CFAP299: variants seen among roughly 807,000 people sequenced by gnomAD.
CFAP299 encodes cilia- and flagella-associated protein 299.
A neutral mutation model predicts 27.0 loss-of-function variants in CFAP299; 21 were observed. The ratio of observed to expected loss-of-function variants is 0.78; its 90% CI spans 0.55 to 1.12. The LOEUF is 1.12. CFAP299 is among the 50% of genes most tolerant of loss of function. The probability of loss-of-function intolerance (pLI) is 0.00; values close to 1 mark genes in which losing one functional copy is unlikely to be tolerated. For missense variants in CFAP299, 310 were observed against 276.6 expected, an observed-to-expected ratio of 1.12 and a Z score of -0.86; for synonymous variants, 104 against 98.1, an observed-to-expected ratio of 1.06 and a Z score of -0.36.
At chr4:80,846,318 A>G (rs1731182296) in intron 3 of CFAP299, among the ~76,000 whole-genome samples, 1 of 152,174 alleles carries the variant, frequency 6.6e-6, no homozygotes. Context: ...CCATGTTTTC[A>G]GGTGATAAAT....
intron 3 of CFAP299, among the ~76,000 whole-genome samples, chr4:80,646,659 T>A (rs963670912): frequency 6.6e-6 from 1 of 152,176 alleles, no homozygotes; most frequent in African/African-American, 2.4e-5. Flanking sequence ...ACAATGATTC[T>A]TATTGACAGA....
chr4:80,962,759 TATC>T (rs1444534861), intron 5 of CFAP299, among the ~76,000 whole-genome samples: 1 of 151,918 alleles, frequency 6.6e-6, no homozygotes, highest in Non-Finnish European at 1.5e-5. Flanking sequence ...GAGCAAATAA[TATC>T]ATTCTTTTCT....
intron 3 of CFAP299, among the ~76,000 whole-genome samples, chr4:80,860,057 G>A (rs187097721): frequency 6.6e-6 from 1 of 152,222 alleles, no homozygotes; most frequent in East Asian, 1.9e-4. Context: ...CCAATCAAAC[G>A]TAGATTTGGT....
chr4:80,913,716 A>G (rs1041724082), intron 4 of CFAP299, among the ~76,000 whole-genome samples: 1 of 152,206 alleles, frequency 6.6e-6, no homozygotes, highest in Non-Finnish European at 1.5e-5. Flanking sequence ...TAATCTACAT[A>G]CAATGAAATT....
intron 3 of CFAP299, among the ~76,000 whole-genome samples, chr4:80,850,347 A>C (rs957280881): frequency 2.0e-5 from 3 of 152,048 alleles, no homozygotes; most frequent in Non-Finnish European, 1.5e-5. Flanking sequence ...AACATTAAGA[A>C]ATATCAGTAT....
At chr4:80,602,293 C>G (rs1488776656) in intron 3 of CFAP299, among the ~76,000 whole-genome samples, 1 of 152,084 alleles carries the variant, frequency 6.6e-6, no homozygotes, top group Non-Finnish European at 1.5e-5. Context: ...TAGATATGAG[C>G]TTTTTAATGC....
At chr4:80,359,212 T>A (rs542131946) in intron 1 of CFAP299, among the ~76,000 whole-genome samples, 1 of 152,312 alleles carries the variant, frequency 6.6e-6, no homozygotes, top group Non-Finnish European at 1.5e-5. Context: ...AGATTTACCT[T>A]TATAGGTGAT....
intron 2 of CFAP299, among the ~76,000 whole-genome samples, chr4:80,412,439 A>G (rs1012974649): frequency 2.6e-5 from 4 of 152,208 alleles, no homozygotes; most frequent in Non-Finnish European, 4.4e-5. Flanking sequence ...TAGTTCAGAG[A>G]GGAATAACGC....
At chr4:80,731,686 C>G (rs918000063) in intron 3 of CFAP299, among the ~76,000 whole-genome samples, 4 of 152,142 alleles carry the variant, frequency 2.6e-5, no homozygotes, top group African/African-American at 9.7e-5. Flanking sequence ...GATTTTACCA[C>G]AATCAAATAG....
At chr4:80,490,516 C>G (rs11947437) in intron 2 of CFAP299, among the ~76,000 whole-genome samples, 11,570 of 152,178 alleles carry the variant, frequency 0.076, 633 homozygotes, top group East Asian at 0.25. Context: ...CACTGTGAAT[C>G]TCTCATACCA....
chr4:80,679,564 A>G (rs971835043), intron 3 of CFAP299, among the ~76,000 whole-genome samples: 3 of 152,002 alleles, frequency 2.0e-5, no homozygotes, highest in Non-Finnish European at 4.4e-5. Context: ...CAGTTAGTCC[A>G]CATTCTTCCT....
chr4:80,916,295 A>ATATATATATATAT (rs1405206483), intron 4 of CFAP299, among the ~76,000 whole-genome samples: 3 of 125,570 alleles, frequency 2.4e-5, no homozygotes, highest in African/African-American at 9.5e-5. Context: ...ATATATATAT[A>ATATATATATATAT]TTTCAGGTAC....
chr4:80,541,429 A>G lies in CFAP299; in HGVS notation c.243-41664A>G, dbSNP rs572507847. ...CCTATATATGCATATATGTACAAGA[A>G]CCTTAGGATATTTTTGATGCAGTAT... On this transcript the variant is annotated intron_variant, in intron 2 of 5. Coordinates refer to ENST00000358105, the MANE Select transcript of CFAP299 (RefSeq NM_152770.3). 4.6e-5 allele frequency among the ~76,000 whole-genome samples: 7 copies of G among 152,242 alleles called. No homozygotes were observed. In the East Asian group the frequency reaches 9.6e-4, roughly 21 times the overall value.
At chr4:80,408,723 G>T (rs1338968067) in intron 2 of CFAP299, among the ~76,000 whole-genome samples, 2 of 151,758 alleles carry the variant, frequency 1.3e-5, no homozygotes, top group Non-Finnish European at 2.9e-5. Flanking sequence ...TGAGGAAATG[G>T]ATAAGAATGG....
chr4:80,576,200 ATATAT>A (rs1735853889), intron 2 of CFAP299, among the ~76,000 whole-genome samples: 4 of 11,382 alleles, frequency 3.5e-4, no homozygotes, highest in Non-Finnish European at 1.5e-3. Context: ...AAAAAAAAAT[ATATAT>A]ATATATATAT....
chr4:80,688,481 G>T lies in CFAP299; in HGVS notation c.333+105298G>T, dbSNP rs548357567. On this transcript the variant is annotated intron_variant, in intron 3 of 5. Coordinates refer to ENST00000358105, the MANE Select transcript of CFAP299 (RefSeq NM_152770.3). ...TACTCCAACAGACCTGCACCTGAGG[G>T]TCCTGTCTGTTAGAAGGAAAACTAA... 3.3e-5 allele frequency among the ~76,000 whole-genome samples: 5 copies of T among 152,302 alleles called. No homozygotes were observed. In the South Asian group the frequency reaches 1.0e-3, roughly 32 times the overall value.
At chr4:80,537,306 A>G (rs1733791508) in intron 2 of CFAP299, among the ~76,000 whole-genome samples, 1 of 152,120 alleles carries the variant, frequency 6.6e-6, no homozygotes, top group Admixed American at 6.5e-5. Context: ...TAAAGATAGA[A>G]CTACCATATG....
intron 2 of CFAP299, among the ~76,000 whole-genome samples, chr4:80,461,925 A>T (rs1238112743): frequency 6.6e-6 from 1 of 152,102 alleles, no homozygotes; most frequent in African/African-American, 2.4e-5. Context: ...ATCTATAAAC[A>T]TGTCTGTGTT....
At chr4:80,799,482 T>C (rs1384684248) in intron 3 of CFAP299, among the ~76,000 whole-genome samples, 1 of 82,194 alleles carries the variant, frequency 1.2e-5, no homozygotes, top group Non-Finnish European at 2.1e-5. Context: ...TATATATTTA[T>C]TAAATATATA....
Sources: gnomAD v4.1 joint callset for allele counts (sites outside exome capture counted in the v4.1 genomes callset) on GRCh38, gnomAD v4.1.1 for gene constraint, MANE v1.5 for transcripts, NCBI Gene and HGNC (gene_info 2026-07-23, HGNC 2026-07-21) for gene names.